The following WNT3 variants were observed in gnomAD, a reference collection of about 807,000 sequenced individuals.
The protein encoded by WNT3 is proto-oncogene Wnt-3.
Under a neutral mutation model 34.2 loss-of-function variants are expected in WNT3, and 7 were observed. That is an observed-to-expected ratio of 0.20 (90% confidence interval 0.12 to 0.38). WNT3 has a LOEUF of 0.38. WNT3 is among the 10% of genes least tolerant of loss of function. WNT3 has a pLI of 1.00. For missense variants in WNT3, 267 were observed against 499.8 expected (o/e 0.53, Z 4.44); for synonymous variants, 212 against 211.5 (o/e 1.00, Z -0.02).
intron 1 of WNT3, among the ~76,000 whole-genome samples, chr17:46,782,517 T>G (rs1399762010): frequency 6.6e-6 from 1 of 152,228 alleles, no homozygotes; most frequent in African/African-American, 2.4e-5. Flanking sequence ...AGGAAAGGTT[T>G]GAGGAAAGAG....
At chr17:46,773,619 T>TCCCGGC in intron 2 of WNT3, 49 bp downstream of exon 2, 1 of 549,848 alleles carries the variant, frequency 1.8e-6, no homozygotes, top group Non-Finnish European at 3.2e-6. Context: ...ACAGTCCTGA[T>TCCCGGC]CCCTCCCCCC....
At chr17:46,804,399 G>A (rs2084165539) in intron 1 of WNT3, among the ~76,000 whole-genome samples, 1 of 152,010 alleles carries the variant, frequency 6.6e-6, no homozygotes, top group Non-Finnish European at 1.5e-5. Context: ...TTTTTATTTT[G>A]TTATTTAATC....
intron 1 of WNT3, among the ~76,000 whole-genome samples, chr17:46,813,204 A>T (rs1460746668): frequency 6.6e-6 from 1 of 151,988 alleles, no homozygotes. Context: ...GCTTCACAGC[A>T]ACGAGCCCAG....
chr17:46,805,949 G>C lies in WNT3; in HGVS notation c.80+12569C>G, dbSNP rs149197672. ...GGGGTTTACCAACCATGGAGCCTTC[G>C]GCAATGGAATGGTGCCTCAGGGCCT... is the stretch of plus-strand genomic sequence containing the variant. On this transcript the variant is annotated intron_variant, in intron 1 of 4. Transcript: ENST00000225512. Among the ~76,000 whole-genome samples the C allele has an allele frequency of 7.0e-3, 1,069 of 152,292 alleles. 15 individuals carry two copies. The highest frequency in any genetic ancestry group is 0.011 in the Non-Finnish European group (777 of 68,028).
At chr17:46,816,940 T>G (rs1461323490) in intron 1 of WNT3, among the ~76,000 whole-genome samples, 1 of 152,178 alleles carries the variant, frequency 6.6e-6, no homozygotes. Context: ...TGGCCGAACC[T>G]CCTTCCTGAA....
intron 1 of WNT3, among the ~76,000 whole-genome samples, chr17:46,810,390 G>A (rs1284004443): frequency 6.6e-6 from 1 of 152,156 alleles, no homozygotes; most frequent in African/African-American, 2.4e-5. Flanking sequence ...CCTCAGGAAG[G>A]AGTCCTCAGC....
intron 2 of WNT3, among the ~76,000 whole-genome samples, chr17:46,771,171 G>A (rs960245423): frequency 6.6e-6 from 1 of 152,194 alleles, no homozygotes; most frequent in East Asian, 1.9e-4. Flanking sequence ...AGAGGGGCCC[G>A]TCCCACTTCC....
At chr17:46,785,750 T>C (rs2059498585) in intron 1 of WNT3, among the ~76,000 whole-genome samples, 1 of 151,966 alleles carries the variant, frequency 6.6e-6, no homozygotes, top group Non-Finnish European at 1.5e-5. Context: ...GCCAAGGGTT[T>C]GGCCACAGAC....
intron 1 of WNT3, among the ~76,000 whole-genome samples, chr17:46,786,328 C>T (rs936060721): frequency 3.3e-5 from 5 of 152,188 alleles, no homozygotes; most frequent in Non-Finnish European, 5.9e-5. Context: ...GCAGCCCCAG[C>T]CCATCCTCCC....
intron 4 of WNT3, among the ~76,000 whole-genome samples, chr17:46,766,675 C>G (rs1198763331): frequency 6.6e-6 from 1 of 152,164 alleles, no homozygotes; most frequent in East Asian, 1.9e-4. Context: ...TCAGCCAGAG[C>G]TCTTCTCCAT....
Position 46,818,538 on chromosome 17 carries a change from G to A in WNT3, c.60C>T (p.Leu20=), listed in dbSNP as rs1159214305. 2 of 1,608,498 alleles carry A rather than the reference G, an allele frequency of 1.2e-6. No individual in the cohort carries two copies. The highest frequency in any genetic ancestry group is 1.1e-5 in the South Asian group (1 of 89,794). Reference sequence around the variant, plus strand: ...CTTACCACCAAATTGGGTAGCCAGCGAGGACCCTGGTGCCACCGAGCAGGA... The same window carrying A: ...CTTACCACCAAATTGGGTAGCCAGCAAGGACCCTGGTGCCACCGAGCAGGA... ...LGLLLGGTRV[L]AGYPIWWSLA... The change falls in exon 1 of 5, where the codon CTC becomes CTT. Residue 20 remains leucine (L), a synonymous_variant. Transcript: ENST00000225512.
chr17:46,776,058 C>T (rs2059409923), intron 1 of WNT3, among the ~76,000 whole-genome samples: 1 of 152,230 alleles, frequency 6.6e-6, no homozygotes, highest in African/African-American at 2.4e-5. Context: ...CCCCATTTTA[C>T]AGATGGCTTA....
At chr17:46,785,066 C>T (rs1460845691) in intron 1 of WNT3, among the ~76,000 whole-genome samples, 4 of 152,260 alleles carry the variant, frequency 2.6e-5, no homozygotes, top group African/African-American at 4.8e-5. Context: ...CGTGAGCCAC[C>T]GTGCCCGGCC....
intron 1 of WNT3, among the ~76,000 whole-genome samples, chr17:46,816,958 G>C (rs2084358986): frequency 6.6e-6 from 1 of 152,198 alleles, no homozygotes; most frequent in Non-Finnish European, 1.5e-5. Flanking sequence ...GAAGTCCCTG[G>C]CTGCCCTGGC....
intron 4 of WNT3, among the ~76,000 whole-genome samples, chr17:46,767,560 G>A (rs1043080579): frequency 3.3e-5 from 5 of 152,098 alleles, no homozygotes; most frequent in African/African-American, 1.2e-4. Flanking sequence ...CCACTTTATA[G>A]TAAGAAAGCT....
intron 3 of WNT3, 55 bp downstream of exon 3, chr17:46,769,728 G>A: frequency 1.9e-6 from 3 of 1,598,328 alleles, no homozygotes; most frequent in Non-Finnish European, 2.5e-6. Context: ...GGCAGCTCCG[G>A]AGGGGAAGCG....
At chr17:46,776,632 C>T (rs1422737999) in intron 1 of WNT3, among the ~76,000 whole-genome samples, 1 of 152,148 alleles carries the variant, frequency 6.6e-6, no homozygotes, top group African/African-American at 2.4e-5. Flanking sequence ...CAGCCCAGCC[C>T]TGCTGTGCCA....
chr17:46,794,086 A>G (rs1213684296), intron 1 of WNT3, among the ~76,000 whole-genome samples: 1 of 152,130 alleles, frequency 6.6e-6, no homozygotes, highest in Non-Finnish European at 1.5e-5. Context: ...GGAGGTTAGC[A>G]AGGGGACAGC....
chr17:46,771,108 C>T (rs557189466), intron 2 of WNT3, among the ~76,000 whole-genome samples: 5 of 152,366 alleles, frequency 3.3e-5, no homozygotes, highest in Non-Finnish European at 5.9e-5. Flanking sequence ...CGGGACCCCT[C>T]TTGGCTCCCG....
Sources: gnomAD v4.1 joint callset for allele counts (sites outside exome capture counted in the v4.1 genomes callset) on GRCh38, gnomAD v4.1.1 for gene constraint, MANE v1.5 for transcripts, NCBI Gene and HGNC (gene_info 2026-07-23, HGNC 2026-07-21) for gene names.